Variants in IL17B observed in about 807,000 individuals in gnomAD.
IL17B encodes the protein interleukin-17B.
In IL17B, 14 loss-of-function variants were observed where a neutral mutation model predicts 14.7. That is an observed-to-expected ratio of 0.95 (90% confidence interval 0.63 to 1.49). The LOEUF (loss-of-function observed/expected upper bound fraction) is 1.49, where lower values mean the gene tolerates loss of function less well. IL17B is among the 40% of genes most tolerant of loss of function. The pLI, the probability that IL17B is intolerant of heterozygous loss-of-function variation, is 0.00. For synonymous variants in IL17B, 105 were observed against 94.8 expected, an observed-to-expected ratio of 1.11 and a Z score of -0.62; for missense variants, 233 against 252.8, an observed-to-expected ratio of 0.92 and a Z score of 0.53.
chr5:149,376,588 A>G, intron 2 of IL17B, 148 bp downstream of exon 2: 8 of 1,028,846 alleles, frequency 7.8e-6, no homozygotes, highest in Non-Finnish European at 1.1e-5. Context: ...CCATTTGCCC[A>G]AAGCCTCACA....
chr5:149,383,899 G>A (rs1345737336), upstream of IL17B, among the ~76,000 whole-genome samples: 1 of 152,192 alleles, frequency 6.6e-6, no homozygotes, highest in Non-Finnish European at 1.5e-5. Context: ...GGTCGCCTAG[G>A]CCTCTCTTCT....
At chr5:149,380,311 C>T (rs1335567636), upstream of IL17B, among the ~76,000 whole-genome samples, 1 of 152,138 alleles carries the variant, frequency 6.6e-6, no homozygotes, top group Non-Finnish European at 1.5e-5. Context: ...GTACCTGGCA[C>T]ATAGTAAGTG....
chr5:149,390,680 C>T (rs1312192194), intron 1 of IL17B, among the ~76,000 whole-genome samples: 3 of 150,762 alleles, frequency 2.0e-5, no homozygotes, highest in Non-Finnish European at 4.4e-5. Flanking sequence ...GCTCTGAAAA[C>T]GCTTAAAGCT....
At chr5:149,391,393 G>A (rs940940470) in intron 1 of IL17B, among the ~76,000 whole-genome samples, 1 of 152,210 alleles carries the variant, frequency 6.6e-6, no homozygotes, top group East Asian at 1.9e-4. Flanking sequence ...CCACGGGGGT[G>A]TCACCAAGTG....
upstream of IL17B, among the ~76,000 whole-genome samples, chr5:149,383,898 G>A (rs1307099909): frequency 6.6e-6 from 1 of 152,186 alleles, no homozygotes; most frequent in Non-Finnish European, 1.5e-5. Context: ...GGGTCGCCTA[G>A]GCCTCTCTTC....
upstream of IL17B, among the ~76,000 whole-genome samples, chr5:149,383,615 C>A (rs1758756184): frequency 6.6e-6 from 1 of 152,246 alleles, no homozygotes; most frequent in Non-Finnish European, 1.5e-5. Context: ...GCTTGCCTCG[C>A]TGCTCACTCC....
upstream of IL17B, among the ~76,000 whole-genome samples, chr5:149,380,759 G>A (rs1758673350): frequency 6.6e-6 from 1 of 152,238 alleles, no homozygotes; most frequent in Admixed American, 6.5e-5. Context: ...TACAGGAATC[G>A]TCCGAGGGGA....
At chr5:149,391,529 T>C (rs970669017) in intron 1 of IL17B, among the ~76,000 whole-genome samples, 3 of 152,184 alleles carry the variant, frequency 2.0e-5, no homozygotes, top group Non-Finnish European at 4.4e-5. Flanking sequence ...GGGGCTTAAG[T>C]TTCTCCTAAA....
intron 2 of IL17B, among the ~76,000 whole-genome samples, chr5:149,376,007 G>A (rs1758520560): frequency 6.6e-6 from 1 of 152,218 alleles, no homozygotes; most frequent in Non-Finnish European, 1.5e-5. Flanking sequence ...AAGTTCTGGT[G>A]AACAGTGCTA....
At chr5:149,394,083 T>C (rs1759043816) in intron 1 of IL17B, among the ~76,000 whole-genome samples, 1 of 152,354 alleles carries the variant, frequency 6.6e-6, no homozygotes. Context: ...CAGGACACTT[T>C]ACAGGTCACT....
At chr5:149,404,128 T>C (rs1391221092) in exon 1 of IL17B, 1 of 152,174 alleles carries the variant, frequency 6.6e-6, no homozygotes, top group Non-Finnish European at 1.5e-5. Context: ...TCTGTCGACC[T>C]GTTTTCTCTA....
chr5:149,380,952 T>TA (rs1261016715), upstream of IL17B, among the ~76,000 whole-genome samples: 1 of 152,120 alleles, frequency 6.6e-6, no homozygotes, highest in Non-Finnish European at 1.5e-5. Flanking sequence ...ACTCTGAAAA[T>TA]ACCTCCTCAG....
intron 1 of IL17B, among the ~76,000 whole-genome samples, chr5:149,399,896 C>T (rs1759173646): frequency 6.6e-6 from 1 of 152,172 alleles, no homozygotes; most frequent in Non-Finnish European, 1.5e-5. Context: ...TCCATTCCAA[C>T]CTTCATTACT....
At chr5:149,384,481 A>G (rs1758778866) in intron 1 of IL17B, among the ~76,000 whole-genome samples, 1 of 152,128 alleles carries the variant, frequency 6.6e-6, no homozygotes. Flanking sequence ...TTGCTTTTTG[A>G]TTATGAAGAG....
chr5:149,395,111 G>A (rs1047940634), intron 1 of IL17B, among the ~76,000 whole-genome samples: 2 of 151,986 alleles, frequency 1.3e-5, no homozygotes, highest in African/African-American at 4.8e-5. Flanking sequence ...GAGAACATGT[G>A]GTATTTGATT....
Position 149,377,033 on chromosome 5 carries a change from G to A in IL17B, c.22-8C>T, listed in dbSNP as rs1280656840. ...AATGGTAAGAAGAAACAGCTGGGGA[G>A]GAAAGCCACAGGTCAAAGGTGGGAG... On this transcript the variant is annotated splice_polypyrimidine_tract_variant and splice_region_variant and intron_variant, in intron 1 of 2. Transcript: ENST00000261796. The A allele has an allele frequency of 4.6e-6, 7 of 1,535,330 alleles. No individual in the cohort carries two copies. The highest frequency in any genetic ancestry group is 4.3e-5 in the Admixed American group (2 of 46,518).
upstream of IL17B, among the ~76,000 whole-genome samples, chr5:149,381,346 G>C (rs528018366): frequency 1.8e-4 from 28 of 152,328 alleles, no homozygotes; most frequent in Admixed American, 1.7e-3. Flanking sequence ...CTTAGCACGA[G>C]GCCAGTTTGG....
intron 1 of IL17B, among the ~76,000 whole-genome samples, chr5:149,403,061 TTGTTC>T (rs1318697856): frequency 2.0e-4 from 25 of 122,258 alleles, no homozygotes; most frequent in African/African-American, 5.4e-4. Flanking sequence ...TTTGTTTGTT[TTGTTC>T]TGTTTTGTTT....
intron 1 of IL17B, among the ~76,000 whole-genome samples, chr5:149,385,063 G>A (rs1482506185): frequency 7.9e-5 from 12 of 151,706 alleles, no homozygotes; most frequent in East Asian, 7.9e-4. Flanking sequence ...ACAGGCATGC[G>A]CCACCATGCC....
Sources: allele counts gnomAD v4.1 joint callset (sites outside exome capture counted in the v4.1 genomes callset), GRCh38; gene constraint gnomAD v4.1.1; transcripts MANE v1.5; gene names NCBI Gene and HGNC (gene_info 2026-07-23, HGNC 2026-07-21).